The following FERRY3 variants were observed in gnomAD, a reference collection of about 807,000 sequenced individuals.
FERRY3 encodes FERRY endosomal RAB5 effector complex subunit 3.
chr12:4,504,954 AAGT>A, the FERRY3 span, among the ~76,000 whole-genome samples: 1 of 152,124 alleles, frequency 6.6e-6, no homozygotes, highest in Admixed American at 6.5e-5. Flanking sequence ...AATACAAAAA[AAGT>A]AGCCGGGTAC....
At chr12:4,534,193 A>G in the FERRY3 span, 1 of 1,611,298 alleles carries the variant, frequency 6.2e-7, no homozygotes, top group Non-Finnish European at 8.5e-7. Context: ...TCGCCAGCTG[A>G]TGTAAATCTA....
chr12:4,504,593 C>G, the FERRY3 span, among the ~76,000 whole-genome samples: 5 of 152,266 alleles, frequency 3.3e-5, no homozygotes, highest in African/African-American at 1.2e-4. Flanking sequence ...TATCTCTGTG[C>G]ACTACTGTTC....
At chr12:4,532,450 C>A in the FERRY3 span, among the ~76,000 whole-genome samples, 1 of 152,188 alleles carries the variant, frequency 6.6e-6, no homozygotes, top group Non-Finnish European at 1.5e-5. Context: ...AATAAACCTA[C>A]CTTTCTTTAT....
chr12:4,512,359 G>A, the FERRY3 span, among the ~76,000 whole-genome samples: 1 of 152,124 alleles, frequency 6.6e-6, no homozygotes, highest in African/African-American at 2.4e-5. Context: ...CAATCAATAG[G>A]AAAAGAGGGA....
At chr12:4,491,185 C>A in the FERRY3 span, 1 of 1,613,268 alleles carries the variant, frequency 6.2e-7, no homozygotes, top group Non-Finnish European at 8.5e-7. Flanking sequence ...ACCTTTGACA[C>A]ACTTGAACAC....
the FERRY3 span, among the ~76,000 whole-genome samples, chr12:4,515,720 A>C: frequency 6.6e-6 from 1 of 152,194 alleles, no homozygotes; most frequent in East Asian, 1.9e-4. Flanking sequence ...TAGTTCTGGA[A>C]ATCTAATGTA....
At chr12:4,524,178 A>C in the FERRY3 span, among the ~76,000 whole-genome samples, 1 of 152,146 alleles carries the variant, frequency 6.6e-6, no homozygotes, top group Non-Finnish European at 1.5e-5. Context: ...AATATACAGT[A>C]TATATTTTAC....
the FERRY3 span, among the ~76,000 whole-genome samples, chr12:4,504,441 T>C: frequency 5.9e-5 from 9 of 152,202 alleles, no homozygotes; most frequent in East Asian, 5.8e-4. Context: ...AGAAAGAGGA[T>C]TGAGAGACTG....
chr12:4,527,138 T>C, the FERRY3 span, among the ~76,000 whole-genome samples: 1 of 152,164 alleles, frequency 6.6e-6, no homozygotes, highest in African/African-American at 2.4e-5. Context: ...ATTACTATTT[T>C]ACATTACACA....
chr12:4,496,283 G>GACTT, the FERRY3 span, among the ~76,000 whole-genome samples: 3 of 152,194 alleles, frequency 2.0e-5, no homozygotes, highest in Non-Finnish European at 2.9e-5. Flanking sequence ...TGAGAAGAAT[G>GACTT]ACTTATTCAA....
chr12:4,504,233 A>G, the FERRY3 span, among the ~76,000 whole-genome samples: 1 of 152,214 alleles, frequency 6.6e-6, no homozygotes, highest in Non-Finnish European at 1.5e-5. Flanking sequence ...TGTGTAGGTT[A>G]ATGTGATCTA....
At chr12:4,532,938 T>C in the FERRY3 span, among the ~76,000 whole-genome samples, 5 of 152,212 alleles carry the variant, frequency 3.3e-5, no homozygotes, top group African/African-American at 9.7e-5. Flanking sequence ...CACAAAACTC[T>C]ATAAAGTTTA....
the FERRY3 span, chr12:4,505,477 C>G: frequency 1.9e-5 from 15 of 787,460 alleles, no homozygotes; most frequent in Non-Finnish European, 2.1e-6. Context: ...AGCAAAAATT[C>G]ACTAAGGGCA....
At chr12:4,502,995 T>A in the FERRY3 span, among the ~76,000 whole-genome samples, 3 of 152,214 alleles carry the variant, frequency 2.0e-5, no homozygotes. This position sits in a 1 kb window ranked among gnomAD's most constrained non-coding sequence, Gnocchi z 4.2. Context: ...GTGAACTATA[T>A]GATAAGACAA....
the FERRY3 span, chr12:4,489,799 A>G: frequency 1.3e-6 from 2 of 1,574,924 alleles, no homozygotes; most frequent in East Asian, 2.2e-5. Flanking sequence ...ATGTCAATCT[A>G]TAAGGGTTTA....
At chr12:4,525,135 TCTTGAA>T in the FERRY3 span, 1 of 1,257,680 alleles carries the variant, frequency 8.0e-7, no homozygotes, top group African/African-American at 1.5e-5. Flanking sequence ...CATAAAATTG[TCTTGAA>T]CTTTCACTAG....
At chr12:4,526,696 G>C in the FERRY3 span, among the ~76,000 whole-genome samples, 1 of 152,064 alleles carries the variant, frequency 6.6e-6, no homozygotes, top group Non-Finnish European at 1.5e-5. Context: ...GCAAAAATTA[G>C]CTGGGCATGG....
the FERRY3 span, among the ~76,000 whole-genome samples, chr12:4,538,255 A>C: frequency 6.6e-6 from 1 of 152,258 alleles, no homozygotes; most frequent in African/African-American, 2.4e-5. Flanking sequence ...GACCGAACAC[A>C]CACAGCCAAC....
the FERRY3 span, among the ~76,000 whole-genome samples, chr12:4,511,339 A>G: frequency 6.6e-6 from 1 of 150,736 alleles, no homozygotes; most frequent in African/African-American, 2.5e-5. Flanking sequence ...AACGAGACAG[A>G]AAGTCAACAA....
Sources: gnomAD v4.1 joint callset for allele counts (sites outside exome capture counted in the v4.1 genomes callset) on GRCh38, gnomAD v4.1.1 for gene constraint, Gnocchi (gnomAD v3.1) non-coding constraint, MANE v1.5 for transcripts, NCBI Gene and HGNC (gene_info 2026-07-23, HGNC 2026-07-21) for gene names.